IGDCC3: variants seen among roughly 807,000 people sequenced by gnomAD.
IGDCC3 encodes putative neuronal cell adhesion molecule.
Under a neutral mutation model 72.0 loss-of-function variants are expected in IGDCC3, and 47 were observed. The observed-to-expected ratio is 0.65, with a 90% CI of 0.52 to 0.83. IGDCC3 has a LOEUF of 0.83. Among genes scored for constraint, IGDCC3 ranks in the 40% least tolerant of loss-of-function variants. IGDCC3 has a pLI of 0.00. For synonymous variants in IGDCC3, 477 were observed against 472.8 expected, an observed-to-expected ratio of 1.01 and a Z score of -0.11; for missense variants, 1,038 against 1,091.3, an observed-to-expected ratio of 0.95 and a Z score of 0.69.
intron 2 of IGDCC3, among the ~76,000 whole-genome samples, chr15:65,370,467 T>C (rs1282023213): frequency 1.4e-5 from 2 of 147,250 alleles, no homozygotes; most frequent in African/African-American, 2.5e-5. Context: ...TGAGCTGAGA[T>C]TGCACCACTG....
At chr15:65,336,264 T>C (rs567958354) in intron 2 of IGDCC3, among the ~76,000 whole-genome samples, 7 of 152,292 alleles carry the variant, frequency 4.6e-5, no homozygotes, top group African/African-American at 9.6e-5. Context: ...CTTGGAGGCC[T>C]TGGTCCCCAA....
At chr15:65,352,691 G>A (rs1157912893) in intron 2 of IGDCC3, among the ~76,000 whole-genome samples, 1 of 152,192 alleles carries the variant, frequency 6.6e-6, no homozygotes, top group African/African-American at 2.4e-5. Flanking sequence ...CTATGGAAGA[G>A]AGTTCCATCA....
At chr15:65,343,426 G>A (rs896621989) in intron 2 of IGDCC3, among the ~76,000 whole-genome samples, 7 of 151,362 alleles carry the variant, frequency 4.6e-5, no homozygotes, top group African/African-American at 1.7e-4. Flanking sequence ...TGTGTTGCGG[G>A]GGCGAGCAGC....
intron 2 of IGDCC3, among the ~76,000 whole-genome samples, chr15:65,340,420 C>T (rs1296692851): frequency 6.6e-6 from 1 of 152,158 alleles, no homozygotes; most frequent in East Asian, 1.9e-4. Context: ...ATGGAGAGTT[C>T]AAAACATAAC....
rs1275065878 is a variant in IGDCC3, at chr15:65,377,648, C to T, written c.103+38G>A. On this transcript the variant is annotated intron_variant, in intron 1 of 13. Transcript: ENST00000327987. This position sits in a 1 kb window ranked among gnomAD's most constrained non-coding sequence, Gnocchi z 4.9. Reference sequence around the variant, plus strand: ...CTCCCTGCTCGCCCTTCCCCTGGCTCCGTCCGCAACCGCCCGGTCCGGGGC... The same window carrying T: ...CTCCCTGCTCGCCCTTCCCCTGGCTTCGTCCGCAACCGCCCGGTCCGGGGC... The T allele has an allele frequency of 1.4e-6, 2 of 1,420,008 alleles. No homozygotes were observed. The highest frequency in any genetic ancestry group is 1.5e-5 in the African/African-American group (1 of 67,324). The allele number at this position is 1,420,008 out of a possible 1,614,324, so 88.0% of individuals were successfully genotyped here. A position where few individuals can be genotyped will look rare whatever the true frequency, so the allele number is the denominator to read the frequency against.
intron 2 of IGDCC3, among the ~76,000 whole-genome samples, chr15:65,363,829 A>AT (rs1309235586): frequency 3.5e-4 from 53 of 152,116 alleles, no homozygotes; most frequent in African/African-American, 1.0e-3. Flanking sequence ...GGAGGGGGGA[A>AT]TTTGTCTTTC....
chr15:65,332,390 G>C (rs2090986479), intron 6 of IGDCC3, among the ~76,000 whole-genome samples: 1 of 152,152 alleles, frequency 6.6e-6, no homozygotes, highest in South Asian at 2.1e-4. Context: ...CAATCAAGCT[G>C]AACTCCCTGT....
intron 2 of IGDCC3, among the ~76,000 whole-genome samples, chr15:65,374,733 G>A (rs2091347556): frequency 6.6e-6 from 1 of 152,134 alleles, no homozygotes. Context: ...CACCCTTAAA[G>A]TATGGGAATG....
chr15:65,338,240 G>A (rs1014129802), intron 2 of IGDCC3, among the ~76,000 whole-genome samples: 8 of 152,190 alleles, frequency 5.3e-5, no homozygotes, highest in Non-Finnish European at 1.0e-4. Flanking sequence ...TTTCCCTTCC[G>A]TCAGAGCAGC....
intron 2 of IGDCC3, among the ~76,000 whole-genome samples, chr15:65,358,753 T>G (rs1301256106): frequency 6.6e-6 from 1 of 151,748 alleles, no homozygotes; most frequent in Non-Finnish European, 1.5e-5. Context: ...CTCGAACTCC[T>G]GGGCTCAACC....
Position 65,336,088 on chromosome 15 carries a change from G to T in IGDCC3, c.410-132C>A, listed in dbSNP as rs982653653. 6.8e-6 allele frequency: 6 copies of T among 881,558 alleles called. No individual in the cohort carries two copies. In the African/African-American group the frequency reaches 1.0e-4, roughly 15 times the overall value. 54.6% of individuals were successfully genotyped at this position (881,558 alleles called of 1,614,324 possible). On this transcript the variant is annotated intron_variant, in intron 2 of 13. Coordinates refer to ENST00000327987, the MANE Select transcript of IGDCC3 (RefSeq NM_004884.4). ...CCAGGGGCAGGAGTTTTCCTGCAAG[G>T]GCAATAGCTTGGGGGACCCATCAGC...
intron 7 of IGDCC3, 43 bp downstream of exon 7, chr15:65,331,898 T>C: frequency 6.3e-7 from 1 of 1,583,902 alleles, no homozygotes; most frequent in Non-Finnish European, 8.6e-7. Flanking sequence ...CCGCTTTCCC[T>C]GCTCTCCCCT....
intron 2 of IGDCC3, among the ~76,000 whole-genome samples, chr15:65,351,487 T>C (rs2091172997): frequency 1.3e-5 from 2 of 150,940 alleles, no homozygotes; most frequent in South Asian, 4.2e-4. Flanking sequence ...TGAGCCGAGA[T>C]TGCACCACTG....
chr15:65,328,997 G>T lies in IGDCC3; in HGVS notation c.2357C>A (p.Pro786Gln). 3 of 1,611,094 alleles carry T rather than the reference G, an allele frequency of 1.9e-6. No individual in the cohort carries two copies. The highest frequency in any genetic ancestry group is 2.5e-6 in the Non-Finnish European group (3 of 1,178,962). ...ACTGAGGAGGCCAGGGCCTCCATCT[G>T]GGGGTGGTGGGGCAGCCGCCAGGCC... ...CAGLAAAPPP[P>Q]DGGPGLLSEG... is the part of the protein sequence containing the mutation. The change falls in exon 14 of 14, where the codon CCA becomes CAA. Residue 786 changes from proline (P) to glutamine (Q), a missense_variant. Physicochemically the swap from Pro to Gln is moderately conservative, Grantham distance 76 (BLOSUM62 -1). Coordinates refer to ENST00000327987, the MANE Select transcript of IGDCC3 (RefSeq NM_004884.4).
In IGDCC3 at chr15:65,329,433, A is replaced by C. The variant is rs1595747882; in HGVS notation, c.2162T>G (p.Phe721Cys). The C allele has an allele frequency of 6.2e-7, 1 of 1,605,690 alleles. No individual in the cohort carries two copies. Among genetic ancestry groups the C allele is most frequent in the South Asian group, 1.1e-5 (1 of 90,170 alleles). ...RVDMKELEQLFPPASAAGQPD... is the reference protein window; with the variant it reads ...RVDMKELEQLCPPASAAGQPD... Reference sequence around the variant, plus strand: ...CTGCCCTGCTGCGCTGGCCGGGGGGAACAGCTGCTCCAGCTCCTTCATATC... The same window carrying C: ...CTGCCCTGCTGCGCTGGCCGGGGGGCACAGCTGCTCCAGCTCCTTCATATC... Residue 721 changes from phenylalanine to cysteine, a missense_variant, in exon 13 of 14, where the codon TTC becomes TGC. Coordinates refer to ENST00000327987, the MANE Select transcript of IGDCC3 (RefSeq NM_004884.4). This position sits in a 1 kb window ranked among gnomAD's most constrained non-coding sequence, Gnocchi z 4.1.
intron 2 of IGDCC3, among the ~76,000 whole-genome samples, chr15:65,352,344 T>C (rs1207450584): frequency 2.0e-5 from 3 of 152,236 alleles, no homozygotes; most frequent in Admixed American, 1.3e-4. Flanking sequence ...TATTTGCATA[T>C]AAGAGTCTGT....
At chr15:65,376,607 G>A (rs1434733471) in intron 1 of IGDCC3, among the ~76,000 whole-genome samples, 1 of 88,570 alleles carries the variant, frequency 1.1e-5, no homozygotes, top group African/African-American at 4.3e-5. Context: ...CGCCCCCCGC[G>A]CCCCCCTCCC....
intron 4 of IGDCC3, 105 bp downstream of exon 4, chr15:65,335,186 T>A (rs2141036226): frequency 3.1e-6 from 4 of 1,271,834 alleles, no homozygotes; most frequent in Middle Eastern, 2.4e-4. Context: ...TGCACGCACG[T>A]GGCTGAGAAG....
At chr15:65,349,360 C>T (rs896422727) in intron 2 of IGDCC3, among the ~76,000 whole-genome samples, 3 of 152,138 alleles carry the variant, frequency 2.0e-5, no homozygotes, top group African/African-American at 7.2e-5. Flanking sequence ...GCTGACATGC[C>T]GGCAAAAGGG....
Sources: gnomAD v4.1 joint callset for allele counts (sites outside exome capture counted in the v4.1 genomes callset) on GRCh38, gnomAD v4.1.1 for gene constraint, Gnocchi (gnomAD v3.1) non-coding constraint, MANE v1.5 for transcripts, NCBI Gene and HGNC (gene_info 2026-07-23, HGNC 2026-07-21) for gene names.